Variants in NRG1 observed in about 807,000 individuals in gnomAD.
NRG1 encodes the protein pro-neuregulin-1, membrane-bound isoform.
A neutral mutation model predicts 63.8 loss-of-function variants in NRG1; 18 were observed. The ratio of observed to expected loss-of-function variants is 0.28; its 90% CI spans 0.19 to 0.42. The LOEUF is 0.42. NRG1 is among the 10% of genes least tolerant of loss of function. The pLI is 1.00. For synonymous variants in NRG1, 302 were observed against 301.3 expected (o/e 1.00, Z -0.02); for missense variants, 762 against 814.7 (o/e 0.94, Z 0.79).
intron 1 of NRG1, among the ~76,000 whole-genome samples, chr8:32,253,073 TATC>T (rs1198708285): frequency 1.3e-5 from 2 of 152,230 alleles, no homozygotes; most frequent in African/African-American, 4.8e-5. Flanking sequence ...TGAAATTGCT[TATC>T]ATTTTAAGGA....
intron 1 of NRG1, among the ~76,000 whole-genome samples, chr8:32,428,097 T>C (rs143547156): frequency 4.7e-4 from 72 of 152,316 alleles, no homozygotes; most frequent in African/African-American, 1.6e-3. Context: ...TCTTCTCATA[T>C]TGATGTTCAC....
chr8:32,318,946 G>T (rs1277536517), intron 1 of NRG1, among the ~76,000 whole-genome samples: 1 of 152,146 alleles, frequency 6.6e-6, no homozygotes, highest in Non-Finnish European at 1.5e-5. Flanking sequence ...ATCCTGGCTG[G>T]ATTAATGGGA....
At chr8:31,843,113 A>T (rs1026291436) in intron 1 of NRG1, among the ~76,000 whole-genome samples, 35 of 148,470 alleles carry the variant, frequency 2.4e-4, no homozygotes, top group African/African-American at 7.6e-4. Context: ...TCTCATTGCC[A>T]TAAAGAAAAA....
At chr8:32,672,999 C>A (rs1806105783) in intron 5 of NRG1, among the ~76,000 whole-genome samples, 1 of 152,204 alleles carries the variant, frequency 6.6e-6, no homozygotes, top group Non-Finnish European at 1.5e-5. Context: ...ATTATTCTCA[C>A]TGAAAAGTTA....
intron 1 of NRG1, among the ~76,000 whole-genome samples, chr8:32,261,323 T>C (rs1200276179): frequency 6.6e-6 from 1 of 151,864 alleles, no homozygotes; most frequent in Non-Finnish European, 1.5e-5. Context: ...ATTTAAAATG[T>C]TTACAAAAAC....
At chr8:32,220,152 T>C (rs1000132981) in intron 1 of NRG1, among the ~76,000 whole-genome samples, 12 of 152,190 alleles carry the variant, frequency 7.9e-5, no homozygotes, top group African/African-American at 2.4e-5. Context: ...ATCATATTTT[T>C]TTTTTCCTGC....
chr8:31,851,758 C>G (rs1395869188), intron 1 of NRG1, among the ~76,000 whole-genome samples: 2 of 115,160 alleles, frequency 1.7e-5, no homozygotes. Flanking sequence ...TCCCTCCCCC[C>G]TCCCCCCACC....
intron 5 of NRG1, among the ~76,000 whole-genome samples, chr8:32,685,119 T>A (rs1463078679): frequency 1.3e-5 from 2 of 152,170 alleles, no homozygotes; most frequent in Non-Finnish European, 2.9e-5. Context: ...GGAATGTGAC[T>A]ATTAAAAAAA....
At chr8:32,696,708 C>T (rs1813417802) in intron 5 of NRG1, among the ~76,000 whole-genome samples, 1 of 136,918 alleles carries the variant, frequency 7.3e-6, no homozygotes, top group South Asian at 2.3e-4. Context: ...GTTGCCCAGG[C>T]TGGAGTGCAA....
intron 5 of NRG1, among the ~76,000 whole-genome samples, chr8:32,623,820 A>T (rs569912381): frequency 6.6e-6 from 1 of 152,204 alleles, no homozygotes; most frequent in Non-Finnish European, 1.5e-5. Flanking sequence ...TTCTAAAGTC[A>T]TTCACTGTCT....
At chr8:32,360,764 T>A (rs1279159478) in intron 1 of NRG1, among the ~76,000 whole-genome samples, 2 of 152,198 alleles carry the variant, frequency 1.3e-5, no homozygotes, top group African/African-American at 2.4e-5. Context: ...CGTCTTCCTG[T>A]AACAGTTGCC....
chr8:32,572,878 A>G (rs984428776), intron 1 of NRG1, among the ~76,000 whole-genome samples: 1 of 152,210 alleles, frequency 6.6e-6, no homozygotes, highest in Non-Finnish European at 1.5e-5. Context: ...AATTATACAC[A>G]CCAAATAAAT....
At chr8:32,337,086 T>C (rs2129478002) in intron 1 of NRG1, among the ~76,000 whole-genome samples, 1 of 152,156 alleles carries the variant, frequency 6.6e-6, no homozygotes, top group Admixed American at 6.5e-5. Flanking sequence ...CATAGCCCAC[T>C]ATAATCTCAA....
intron 1 of NRG1, among the ~76,000 whole-genome samples, chr8:31,956,760 T>C (rs1281286581): frequency 6.6e-6 from 1 of 152,264 alleles, no homozygotes; most frequent in Non-Finnish European, 1.5e-5. Context: ...CCCAAATCTC[T>C]ATGACATAGG....
At chr8:32,205,780 G>A (rs1843993575) in intron 1 of NRG1, among the ~76,000 whole-genome samples, 1 of 151,976 alleles carries the variant, frequency 6.6e-6, no homozygotes, top group South Asian at 2.1e-4. Context: ...TGCTGACAAG[G>A]CTTTGAGAAA....
chr8:31,641,032 T>C (rs1224921553), intron 1 of NRG1, among the ~76,000 whole-genome samples: 2 of 152,184 alleles, frequency 1.3e-5, no homozygotes, highest in Non-Finnish European at 2.9e-5. Context: ...CCGGCTGCTT[T>C]CTTGTGGGTG....
At chr8:31,848,959 A>G (rs1292409089) in intron 1 of NRG1, among the ~76,000 whole-genome samples, 1 of 152,200 alleles carries the variant, frequency 6.6e-6, no homozygotes, top group African/African-American at 2.4e-5. Context: ...ACCCTGGAGC[A>G]TGGAAAAATT....
intron 1 of NRG1, among the ~76,000 whole-genome samples, chr8:32,446,978 C>T (rs549320825): frequency 4.4e-5 from 6 of 136,082 alleles, no homozygotes; most frequent in Admixed American, 7.4e-5. Flanking sequence ...GGACATTTAG[C>T]GCTCAGAAAA....
chr8:31,789,398 C>T (rs1356992291), intron 1 of NRG1, among the ~76,000 whole-genome samples: 1 of 152,192 alleles, frequency 6.6e-6, no homozygotes, highest in Non-Finnish European at 1.5e-5. Flanking sequence ...GAGGAGGTGG[C>T]TTTCAGCCTG....
Sources: allele counts gnomAD v4.1 joint callset (sites outside exome capture counted in the v4.1 genomes callset), GRCh38; gene constraint gnomAD v4.1.1; transcripts MANE v1.5; gene names NCBI Gene and HGNC (gene_info 2026-07-23, HGNC 2026-07-21).